Variants in PDS5B observed in about 807,000 individuals in gnomAD.
The protein encoded by PDS5B is sister chromatid cohesion protein PDS5 homolog B.
Under a neutral mutation model 184.1 loss-of-function variants are expected in PDS5B, and 51 were observed. That is an observed-to-expected ratio of 0.28 (90% CI 0.22 to 0.35). PDS5B has a LOEUF of 0.35. Ranked by LOEUF, PDS5B falls within the 10% of genes least tolerant of loss-of-function variation. PDS5B has a pLI of 1.00. For missense variants in PDS5B, 1,180 were observed against 1,723.3 expected, an observed-to-expected ratio of 0.68 and a Z score of 5.58; for synonymous variants, 566 against 569.2, an observed-to-expected ratio of 0.99 and a Z score of 0.08.
intron 1 of PDS5B, among the ~76,000 whole-genome samples, chr13:32,641,345 C>CT (rs1950084113): frequency 6.6e-6 from 1 of 151,982 alleles, no homozygotes. Context: ...TCTGCTTCCT[C>CT]TTTTTTCTTT....
intron 7 of PDS5B, among the ~76,000 whole-genome samples, chr13:32,669,606 A>C (rs1950882951): frequency 6.6e-6 from 1 of 152,148 alleles, no homozygotes; most frequent in South Asian, 2.1e-4. Context: ...TTTCTTTATC[A>C]CTTATACCTT....
At chr13:32,652,222 A>AT (rs113948248) in intron 3 of PDS5B, 57 of 421,482 alleles carry the variant, frequency 1.4e-4, no homozygotes, top group Admixed American at 9.2e-4. Context: ...TACAGTGTGT[A>AT]TTTTTTTTAT....
chr13:32,613,772 T>C (rs575602116), intron 1 of PDS5B, among the ~76,000 whole-genome samples: 1 of 152,200 alleles, frequency 6.6e-6, no homozygotes, highest in African/African-American at 2.4e-5. Flanking sequence ...TGCTATGTTA[T>C]TTATGCTTTT....
At chr13:32,605,360 G>C (rs1387902811) in intron 1 of PDS5B, among the ~76,000 whole-genome samples, 1 of 152,172 alleles carries the variant, frequency 6.6e-6, no homozygotes, top group Non-Finnish European at 1.5e-5. Flanking sequence ...TGGTTGTTCA[G>C]TTTCCATGTA....
intron 3 of PDS5B, among the ~76,000 whole-genome samples, chr13:32,656,981 A>G (rs113028082): frequency 0.048 from 7,360 of 152,198 alleles, 493 homozygotes; most frequent in African/African-American, 0.16. Flanking sequence ...TTTGCTGAAG[A>G]TTGTTTTATG....
In PDS5B at chr13:32,605,524, G is replaced by C. The variant is rs372880943; in HGVS notation, c.-20+18931G>C. 3.3e-5 allele frequency among the ~76,000 whole-genome samples: 5 copies of C among 152,178 alleles called. No homozygotes were observed. The East Asian group carries it at 7.7e-4, about 23-fold the overall frequency. On this transcript the variant is annotated intron_variant, in intron 1 of 34. Coordinates refer to ENST00000315596, the MANE Select transcript of PDS5B (RefSeq NM_015032.4). ...GTCAATTTTGGAATAAGTGCGATGT[G>C]GTGCTGAGAAGAATATATATTCTGT...
At chr13:32,677,065 T>C (rs1305367015) in intron 9 of PDS5B, among the ~76,000 whole-genome samples, 1 of 152,122 alleles carries the variant, frequency 6.6e-6, no homozygotes, top group African/African-American at 2.4e-5. Flanking sequence ...AAATTTAATA[T>C]TTTGGTCTCA....
intron 1 of PDS5B, among the ~76,000 whole-genome samples, chr13:32,634,832 C>G (rs9535064): frequency 6.6e-6 from 1 of 152,146 alleles, no homozygotes. Context: ...CCACCCGCCT[C>G]GGCCTCCCAG....
chr13:32,713,805 C>A (rs1011027208), intron 19 of PDS5B, among the ~76,000 whole-genome samples: 4 of 152,274 alleles, frequency 2.6e-5, no homozygotes, highest in African/African-American at 9.6e-5. Flanking sequence ...GGTGAAGACT[C>A]ATTTTTGGAA....
intron 3 of PDS5B, among the ~76,000 whole-genome samples, chr13:32,655,126 C>G (rs1211691181): frequency 6.6e-6 from 1 of 151,500 alleles, no homozygotes; most frequent in East Asian, 1.9e-4. Context: ...AATGGCTGAA[C>G]TAATTTATAT....
chr13:32,675,060 G>A (rs1951030891), intron 8 of PDS5B, among the ~76,000 whole-genome samples: 2 of 151,736 alleles, frequency 1.3e-5, no homozygotes, highest in African/African-American at 4.8e-5. Flanking sequence ...TCATATTGTC[G>A]GGGCTCTTGG....
intron 10 of PDS5B, among the ~76,000 whole-genome samples, chr13:32,681,066 T>C (rs1951224644): frequency 6.6e-6 from 1 of 152,188 alleles, no homozygotes; most frequent in Non-Finnish European, 1.5e-5. Flanking sequence ...GCTGGAAATA[T>C]CCTGCCAACG....
chr13:32,644,054 A>C (rs1950163960), intron 1 of PDS5B, among the ~76,000 whole-genome samples: 1 of 152,152 alleles, frequency 6.6e-6, no homozygotes, highest in Non-Finnish European at 1.5e-5. Flanking sequence ...TGTGCTGCCT[A>C]GGGCTTCTAG....
intron 7 of PDS5B, among the ~76,000 whole-genome samples, 165 bp downstream of exon 7, chr13:32,668,009 G>T (rs1219092734): frequency 2.0e-5 from 3 of 151,978 alleles, no homozygotes; most frequent in Non-Finnish European, 2.9e-5. Context: ...AATTATTCTT[G>T]CTTTATATTT....
chr13:32,669,031 A>G (rs1950867801), intron 7 of PDS5B, among the ~76,000 whole-genome samples: 2 of 152,178 alleles, frequency 1.3e-5, no homozygotes, highest in Admixed American at 1.3e-4. Context: ...TTTTCAGGGA[A>G]CTTCCAATAC....
intron 21 of PDS5B, among the ~76,000 whole-genome samples, chr13:32,740,698 A>G (rs7988429): frequency 0.047 from 7,095 of 150,386 alleles, 468 homozygotes; most frequent in African/African-American, 0.15. Context: ...TTTTTTTTTT[A>G]TACCTTTCTT....
At chr13:32,740,852 C>G (rs1953516587) in intron 21 of PDS5B, among the ~76,000 whole-genome samples, 1 of 151,948 alleles carries the variant, frequency 6.6e-6, no homozygotes, top group Admixed American at 6.5e-5. Flanking sequence ...TAGAAAGAAC[C>G]AGTCGTGATG....
At chr13:32,715,249 C>T (rs149409622) in intron 19 of PDS5B, among the ~76,000 whole-genome samples, 1 of 152,160 alleles carries the variant, frequency 6.6e-6, no homozygotes, top group Non-Finnish European at 1.5e-5. Context: ...ATTTCCTAGG[C>T]AGCCCTAGCT....
intron 24 of PDS5B, among the ~76,000 whole-genome samples, chr13:32,747,471 G>A (rs1337431097): frequency 1.3e-5 from 2 of 151,442 alleles, no homozygotes; most frequent in Non-Finnish European, 2.9e-5. Flanking sequence ...CAGCTATTTC[G>A]GCCGGGCGTG....
Sources: allele counts gnomAD v4.1 joint callset (sites outside exome capture counted in the v4.1 genomes callset), GRCh38; gene constraint gnomAD v4.1.1; transcripts MANE v1.5; gene names NCBI Gene and HGNC (gene_info 2026-07-23, HGNC 2026-07-21).